IL33: variants seen among roughly 807,000 people sequenced by gnomAD.
The protein encoded by IL33 is interleukin-33.
A neutral mutation model predicts 27.3 loss-of-function variants in IL33; 37 were observed. That is an observed-to-expected ratio of 1.36 (90% CI 1.04 to 1.78). The LOEUF (loss-of-function observed/expected upper bound fraction) is 1.78. IL33 is among the 40% of genes most tolerant of loss of function. IL33 has a pLI of 0.00. For synonymous variants in IL33, 132 were observed against 102.9 expected (o/e 1.28, Z -1.71); for missense variants, 406 against 311.4 (o/e 1.30, Z -2.29).
chr9:6,248,575 C>CT lies in IL33; in HGVS notation c.92-1891dup, dbSNP rs1452924320. ...AGAAGTGTAAGAAATAAATTTCTAT[C>CT]TTTTTTTTCTTTTTTTAGAGACAGG... On this transcript the variant is annotated intron_variant, in intron 2 of 7. Transcript: ENST00000682010. 6.1e-4 allele frequency among the ~76,000 whole-genome samples: 93 copies of CT among 151,416 alleles called. 1 individual carries two copies. The highest frequency in any genetic ancestry group is 3.4e-3 in the South Asian group (16 of 4,744).
At chr9:6,240,830 T>A (rs1049835971) in intron 1 of IL33, among the ~76,000 whole-genome samples, 14 of 152,362 alleles carry the variant, frequency 9.2e-5, no homozygotes, top group African/African-American at 3.4e-4. Flanking sequence ...TTAGTTTTTT[T>A]AATGTTTTGA....
Position 6,256,185 on chromosome 9 carries a change from A to C in IL33, c.*17A>C, listed in dbSNP as rs995267844. 6.3e-7 allele frequency: 1 copy of C among 1,599,132 alleles called. No homozygotes were observed. Among genetic ancestry groups the C allele is most frequent in the Non-Finnish European group, 8.6e-7 (1 of 1,167,446 alleles). On this transcript the variant is annotated 3_prime_UTR_variant, in exon 8 of 8. Coordinates refer to ENST00000682010, the MANE Select transcript of IL33 (RefSeq NM_033439.4). Reference sequence around the variant, plus strand: ...GAAACTTAGTTGATGGAAACCTGTGAGTCTTGGGTTGAGTACCCAAATGCT... The same window carrying C: ...GAAACTTAGTTGATGGAAACCTGTGCGTCTTGGGTTGAGTACCCAAATGCT...
rs1816737986 is a variant in IL33 at position 6,256,447 on chromosome 9, T to C, written c.*279T>C. ...TTCTAAAGAGATACAGTCTGACCTT[T>C]ACTTTTCTCTAGTTTCAGTCCAGAA... On this transcript the variant is annotated 3_prime_UTR_variant, in exon 8 of 8. Transcript: ENST00000682010. 2.2e-6 allele frequency: 1 copy of C among 448,630 alleles called. No individual in the cohort carries two copies. Among genetic ancestry groups the C allele is most frequent in the African/African-American group, 2.0e-5 (1 of 49,386 alleles). 27.8% of individuals were successfully genotyped at this position (448,630 alleles called of 1,614,324 possible). A position where few individuals can be genotyped will look rare whatever the true frequency, so the allele number is the denominator to read the frequency against.
At chr9:6,228,455 A>G (rs1178655837) in intron 1 of IL33, among the ~76,000 whole-genome samples, 1 of 152,234 alleles carries the variant, frequency 6.6e-6, no homozygotes, top group Non-Finnish European at 1.5e-5. Flanking sequence ...GTAAAAGAAG[A>G]AAATGATCTC....
At chr9:6,233,825 T>A (rs1819045539) in intron 1 of IL33, among the ~76,000 whole-genome samples, 1 of 152,148 alleles carries the variant, frequency 6.6e-6, no homozygotes, top group Non-Finnish European at 1.5e-5. Context: ...AAGATACCAT[T>A]CTTTCTTTCT....
intron 1 of IL33, among the ~76,000 whole-genome samples, chr9:6,224,136 A>T (rs1818529951): frequency 1.3e-5 from 2 of 152,170 alleles, no homozygotes; most frequent in South Asian, 4.1e-4. Flanking sequence ...ATCCTTTCAG[A>T]AACTCCTCTT....
intron 1 of IL33, among the ~76,000 whole-genome samples, chr9:6,238,728 G>C (rs1442875482): frequency 6.6e-6 from 1 of 152,134 alleles, no homozygotes; most frequent in Non-Finnish European, 1.5e-5. Flanking sequence ...TGGCAAAACA[G>C]GAGGCCATAC....
chr9:6,241,452 T>C (rs147039973), intron 1 of IL33, among the ~76,000 whole-genome samples: 1 of 152,154 alleles, frequency 6.6e-6, no homozygotes, highest in Non-Finnish European at 1.5e-5. Flanking sequence ...CACTATAATC[T>C]TGTGAGACCA....
intron 2 of IL33, among the ~76,000 whole-genome samples, chr9:6,246,388 C>T (rs1014044863): frequency 1.3e-5 from 2 of 151,830 alleles, no homozygotes; most frequent in Non-Finnish European, 1.5e-5. Flanking sequence ...ATGGTGAAAC[C>T]CCGTCTCTAC....
At chr9:6,241,224 A>C (rs756827245) in intron 1 of IL33, among the ~76,000 whole-genome samples, 2 of 152,238 alleles carry the variant, frequency 1.3e-5, no homozygotes, top group Non-Finnish European at 2.9e-5. Context: ...ATCTACAATA[A>C]TGATAAAAAG....
At position 6,256,054 on chromosome 9, in the gene IL33, G is replaced by C; in HGVS notation, c.699G>C (p.Lys233Asn). Residue 233 changes from lysine to asparagine, a missense_variant, in exon 8 of 8, where the codon AAG (lysine) becomes AAC (asparagine). By Grantham distance (94) the Lys-to-Asn change is moderately conservative (BLOSUM62 0). Transcript: ENST00000682010. ...CCAACTGTGTTTCATTTGAATGCAA[G>C]ACTGATCCTGGAGTGTTTATAGGTG... The part of the protein sequence containing the change: ...MHSNCVSFEC[K>N]TDPGVFIGVK... The C allele has an allele frequency of 1.9e-6, 3 of 1,613,422 alleles. No individual in the cohort carries two copies. Among genetic ancestry groups the C allele is most frequent in the Non-Finnish European group, 2.5e-6 (3 of 1,179,444 alleles).
At position 6,256,182 on chromosome 9, in the gene IL33, G is replaced by T. The variant is rs1816721671; in HGVS notation, c.*14G>T. 5 of 1,603,694 alleles carry T rather than the reference G, an allele frequency of 3.1e-6. No individual in the cohort carries two copies. The highest frequency in any genetic ancestry group is 4.3e-6 in the Non-Finnish European group (5 of 1,171,398). Reference sequence around the variant, plus strand: ...TCTGAAACTTAGTTGATGGAAACCTGTGAGTCTTGGGTTGAGTACCCAAAT... The same window carrying T: ...TCTGAAACTTAGTTGATGGAAACCTTTGAGTCTTGGGTTGAGTACCCAAAT... On this transcript the variant is annotated 3_prime_UTR_variant, in exon 8 of 8. Transcript: ENST00000682010.
At chr9:6,237,304 G>T (rs1282158162) in intron 1 of IL33, among the ~76,000 whole-genome samples, 2 of 152,224 alleles carry the variant, frequency 1.3e-5, no homozygotes, top group African/African-American at 4.8e-5. Flanking sequence ...ATGGTGAAAA[G>T]AGTGATCAAG....
chr9:6,246,322 G>C (rs2130371881), intron 2 of IL33, among the ~76,000 whole-genome samples: 1 of 152,210 alleles, frequency 6.6e-6, no homozygotes, highest in African/African-American at 2.4e-5. Flanking sequence ...CCAGCACTTT[G>C]GGAGGCCAAG....
At position 6,250,592 on chromosome 9, in the gene IL33, G is replaced by A. The variant is rs747442242; in HGVS notation, c.210G>A (p.Leu70=). ...FRRETTKRPS[L]KTGRKHKRHL... ...GAGAAACCACCAAAAGGCCTTCACT[G>A]AAAACAGGTAAGGGGAACCGTACAT... The change falls in exon 3 of 8, where the codon CTG becomes CTA. Residue 70 remains leucine (L), a synonymous_variant. Coordinates refer to ENST00000682010, the MANE Select transcript of IL33 (RefSeq NM_033439.4). The A allele has an allele frequency of 6.2e-7, 1 of 1,613,358 alleles. No homozygotes were observed. The highest frequency in any genetic ancestry group is 8.5e-7 in the Non-Finnish European group (1 of 1,179,712).
At position 6,248,160 on chromosome 9, in the gene IL33, T is replaced by C. The variant is rs538023392; in HGVS notation, c.92-2314T>C. ...TGTGATATAGTTGCTATGGTTTGAATGTTTCCACCAAAACTCATGCTAAAA... is the reference window on the plus strand; with the variant it reads ...TGTGATATAGTTGCTATGGTTTGAACGTTTCCACCAAAACTCATGCTAAAA... On this transcript the variant is annotated intron_variant, in intron 2 of 7. Coordinates refer to ENST00000682010, the MANE Select transcript of IL33 (RefSeq NM_033439.4). Among the ~76,000 whole-genome samples, 5 of 152,206 alleles carry C rather than the reference T, an allele frequency of 3.3e-5. No homozygotes were observed. In the East Asian group the frequency reaches 9.6e-4, roughly 29 times the overall value.
rs1564076202 is a variant in IL33 at position 6,254,502 on chromosome 9, T to A, written c.561T>A (p.Ser187Arg). The A allele has an allele frequency of 6.3e-7, 1 of 1,598,348 alleles. No homozygotes were observed. The highest frequency in any genetic ancestry group is 8.5e-7 in the Non-Finnish European group (1 of 1,170,604). ...GTAAGATGTTAATGGTAACCCTGAG[T>A]CCTACAAAAGACTTCTGGTTGCATG... ...VDGKMLMVTL[S>R]PTKDFWLHAN... The change falls in exon 7 of 8, where the codon AGT (serine) becomes AGA (arginine). Residue 187 changes from serine (S) to arginine (R), a missense_variant. Ser to Arg is a moderately radical substitution (Grantham distance 110, BLOSUM62 -1). Transcript: ENST00000682010.
At chr9:6,239,994 G>A (rs1041183376) in intron 1 of IL33, among the ~76,000 whole-genome samples, 1 of 152,112 alleles carries the variant, frequency 6.6e-6, no homozygotes, top group Non-Finnish European at 1.5e-5. Context: ...TTTTATGTTT[G>A]TGTCTCCTTT....
chr9:6,241,772 T>C lies in IL33; in HGVS notation c.78T>C (p.Cys26=). The part of the protein sequence containing the change: ...KWKNTASKAL[C]FKLGKSQQKA... ...AGAACACAGCAAGCAAAGCCTTGTG[T>C]TTCAAGCTGGGAAGTAAGGACTTAA... The change falls in exon 2 of 8, where the codon TGT becomes TGC. Residue 26 remains cysteine (C), a synonymous_variant. Coordinates refer to ENST00000682010, the MANE Select transcript of IL33 (RefSeq NM_033439.4). The C allele has an allele frequency of 6.2e-7, 1 of 1,610,160 alleles. No homozygotes were observed. Among genetic ancestry groups the C allele is most frequent in the South Asian group, 1.1e-5 (1 of 90,318 alleles).
Sources: allele counts gnomAD v4.1 joint callset (sites outside exome capture counted in the v4.1 genomes callset), GRCh38; gene constraint gnomAD v4.1.1; transcripts MANE v1.5; gene names NCBI Gene and HGNC (gene_info 2026-07-23, HGNC 2026-07-21).